The following TM9SF4 variants were observed in gnomAD, a reference collection of about 807,000 sequenced individuals.
TM9SF4 encodes transmembrane 9 superfamily member 4.
Under a neutral mutation model 90.4 loss-of-function variants are expected in TM9SF4, and 26 were observed. That is an observed-to-expected ratio of 0.29 (90% CI 0.21 to 0.40). The LOEUF (loss-of-function observed/expected upper bound fraction) is 0.40. Ranked by LOEUF, TM9SF4 falls within the 10% of genes least tolerant of loss-of-function variation. The pLI is 1.00. For missense variants in TM9SF4, 549 were observed against 834.8 expected (o/e 0.66, Z 4.22); for synonymous variants, 293 against 315.4 (o/e 0.93, Z 0.75).
rs903385625 is a variant in TM9SF4 at position 32,150,978 on chromosome 20, G to T, written c.1245+103G>T. 6.5e-6 allele frequency: 9 copies of T among 1,389,078 alleles called. No homozygotes were observed. The Admixed American group carries it at 9.9e-5, about 15-fold the overall frequency. The allele number at this position is 1,389,078 out of a possible 1,614,324, so 86.0% of individuals were successfully genotyped here. A position where few individuals can be genotyped will look rare whatever the true frequency, so the allele number is the denominator to read the frequency against. On this transcript the variant is annotated intron_variant, in intron 12 of 17. Coordinates refer to ENST00000398022, the MANE Select transcript of TM9SF4 (RefSeq NM_014742.4). ...GGTCCTGGTGGGGATTTTTGGGCCA[G>T]AAGCTGAGCAGCAGCAAGACATAGC... is the stretch of plus-strand genomic sequence containing the variant.
chr20:32,163,268 A>AAATATATATATATATATAT (rs1555886757), intron 17 of TM9SF4, among the ~76,000 whole-genome samples: 2 of 74,478 alleles, frequency 2.7e-5, no homozygotes, highest in African/African-American at 5.9e-5. Flanking sequence ...AAAAAAAAAA[A>AAATATATATATATATATAT]ATATATATAT....
intron 8 of TM9SF4, among the ~76,000 whole-genome samples, 199 bp downstream of exon 8, chr20:32,145,622 T>A (rs2046752889): frequency 6.6e-6 from 1 of 152,156 alleles, no homozygotes; most frequent in South Asian, 2.1e-4. Context: ...TCTGGAGAGC[T>A]CATTCATGGA....
At chr20:32,146,155 CCTGAAGCCCTGTGAA>C (rs2046759237) in intron 8 of TM9SF4, among the ~76,000 whole-genome samples, 2 of 152,116 alleles carry the variant, frequency 1.3e-5, no homozygotes. Flanking sequence ...CATTTCAATC[CCTGAAGCCCTGTGAA>C]CTAGGCCCGA....
At chr20:32,121,431 C>T (rs1189211420) in intron 1 of TM9SF4, among the ~76,000 whole-genome samples, 1 of 151,992 alleles carries the variant, frequency 6.6e-6, no homozygotes, top group Non-Finnish European at 1.5e-5. Context: ...CTTCAAGCAT[C>T]TGTTTAACAA....
intron 1 of TM9SF4, among the ~76,000 whole-genome samples, chr20:32,129,343 A>C (rs1478234188): frequency 6.6e-6 from 1 of 151,960 alleles, no homozygotes; most frequent in East Asian, 1.9e-4. Flanking sequence ...AAATCAAAAA[A>C]ATTGCGGTGC....
chr20:32,148,824 C>G (rs556437946), intron 9 of TM9SF4, among the ~76,000 whole-genome samples: 1 of 152,184 alleles, frequency 6.6e-6, no homozygotes, highest in Non-Finnish European at 1.5e-5. Flanking sequence ...GCGCCTACCA[C>G]CATGCCCAGC....
chr20:32,161,505 C>A, intron 17 of TM9SF4, 140 bp downstream of exon 17: 1 of 670,246 alleles, frequency 1.5e-6, no homozygotes, highest in Non-Finnish European at 2.5e-6. Context: ...TAGAACTGTT[C>A]CTGCTCTAGA....
At chr20:32,139,493 A>C (rs2046640385) in intron 3 of TM9SF4, among the ~76,000 whole-genome samples, 1 of 151,860 alleles carries the variant, frequency 6.6e-6, no homozygotes. Flanking sequence ...CTCTACCCTC[A>C]CCAGCACCTG....
chr20:32,149,820 C>G, intron 10 of TM9SF4, 54 bp downstream of exon 10: 1 of 1,601,866 alleles, frequency 6.2e-7, no homozygotes, highest in African/African-American at 1.3e-5. Flanking sequence ...CTTCCAGGTG[C>G]CTCAAGGAGA....
At chr20:32,109,830 A>G in intron 1 of TM9SF4, 75 bp downstream of exon 1, 8 of 1,549,340 alleles carry the variant, frequency 5.2e-6, no homozygotes, top group Non-Finnish European at 7.0e-6. Flanking sequence ...CCAGCACCCC[A>G]TGCCTGGCCC....
At chr20:32,133,260 C>A in intron 2 of TM9SF4, 134 bp downstream of exon 2, 1 of 690,762 alleles carries the variant, frequency 1.4e-6, no homozygotes, top group Non-Finnish European at 2.3e-6. Flanking sequence ...CTCTGCCTCT[C>A]CCTCTCCCTG....
chr20:32,148,756 C>T (rs1303275069), intron 9 of TM9SF4, among the ~76,000 whole-genome samples: 2 of 150,862 alleles, frequency 1.3e-5, no homozygotes, highest in African/African-American at 2.4e-5. Flanking sequence ...CTGCAAGCTC[C>T]GCCTTCCAGG....
At chr20:32,125,165 A>C (rs1000244183) in intron 1 of TM9SF4, among the ~76,000 whole-genome samples, 1 of 152,064 alleles carries the variant, frequency 6.6e-6, no homozygotes, top group Non-Finnish European at 1.5e-5. Context: ...GGCCCACTGC[A>C]TCTCCCTTGC....
chr20:32,163,261 AAAAAAAAATAT>A (rs1181506719), intron 17 of TM9SF4, among the ~76,000 whole-genome samples: 1 of 74,408 alleles, frequency 1.3e-5, no homozygotes, highest in East Asian at 6.3e-4. Context: ...AAAAAAAAAA[AAAAAAAAATAT>A]ATATATATAT....
At chr20:32,144,713 C>G (rs2046734665) in intron 6 of TM9SF4, among the ~76,000 whole-genome samples, 1 of 152,096 alleles carries the variant, frequency 6.6e-6, no homozygotes, top group Non-Finnish European at 1.5e-5. Context: ...AGTTCAAGAC[C>G]AGCCTGGGAA....
intron 2 of TM9SF4, among the ~76,000 whole-genome samples, chr20:32,133,506 T>A (rs2046551354): frequency 6.6e-6 from 1 of 152,208 alleles, no homozygotes; most frequent in African/African-American, 2.4e-5. Context: ...TGTTACCAGC[T>A]TTGTCAGCAT....
At chr20:32,121,657 C>G (rs1360827823) in intron 1 of TM9SF4, among the ~76,000 whole-genome samples, 2 of 152,214 alleles carry the variant, frequency 1.3e-5, no homozygotes, top group African/African-American at 4.8e-5. Flanking sequence ...CCACCCCTCC[C>G]GCCTCTCCAT....
chr20:32,123,877 T>TTTA (rs2046379229), intron 1 of TM9SF4, among the ~76,000 whole-genome samples: 2 of 113,936 alleles, frequency 1.8e-5, no homozygotes, highest in African/African-American at 6.4e-5. Flanking sequence ...TTTTTTTTTT[T>TTTA]AAAGAGATAG....
intron 1 of TM9SF4, among the ~76,000 whole-genome samples, chr20:32,121,456 C>T (rs1600782072): frequency 6.6e-6 from 1 of 151,852 alleles, no homozygotes; most frequent in African/African-American, 2.4e-5. Flanking sequence ...CATCTTGCAC[C>T]GCCCTTAATC....
Sources: gnomAD v4.1 joint callset for allele counts (sites outside exome capture counted in the v4.1 genomes callset) on GRCh38, gnomAD v4.1.1 for gene constraint, MANE v1.5 for transcripts, NCBI Gene and HGNC (gene_info 2026-07-23, HGNC 2026-07-21) for gene names.